The following DPY19L1 variants were observed in gnomAD, a reference collection of about 807,000 sequenced individuals.
The protein encoded by DPY19L1 is dpy-19 like C-mannosyltransferase 1.
DPY19L1 carries 35 observed loss-of-function variants against 96.9 expected under a neutral mutation model. That is an observed-to-expected ratio of 0.36 (90% CI 0.28 to 0.48). The LOEUF (loss-of-function observed/expected upper bound fraction) is 0.48, where lower values mean the gene tolerates loss of function less well. Among genes scored for constraint, DPY19L1 ranks in the 20% least tolerant of loss-of-function variants. The pLI, the probability that DPY19L1 is intolerant of heterozygous loss-of-function variation, is 0.99. For missense variants in DPY19L1, 521 were observed against 777.9 expected, an observed-to-expected ratio of 0.67 and a Z score of 3.93; for synonymous variants, 205 against 252.6, an observed-to-expected ratio of 0.81 and a Z score of 1.79.
At chr7:35,027,592 G>A (rs1305187652) in intron 1 of DPY19L1, among the ~76,000 whole-genome samples, 3 of 150,782 alleles carry the variant, frequency 2.0e-5, no homozygotes, top group Non-Finnish European at 4.4e-5. Context: ...CACTTTGGGA[G>A]GCCGAGGCGG....
At chr7:34,995,795 TAAGATA>T (rs1300726601) in intron 6 of DPY19L1, among the ~76,000 whole-genome samples, 1 of 151,972 alleles carries the variant, frequency 6.6e-6, no homozygotes, top group East Asian at 1.9e-4. Flanking sequence ...ATAATCAAAT[TAAGATA>T]ATTTCCAATC....
intron 10 of DPY19L1, among the ~76,000 whole-genome samples, chr7:34,964,173 T>A (rs1292726568): frequency 6.6e-6 from 1 of 152,072 alleles, no homozygotes; most frequent in Non-Finnish European, 1.5e-5. Context: ...TTTATAACTA[T>A]AAGAATTTAG....
chr7:35,034,911 T>C (rs1171512000), intron 1 of DPY19L1, among the ~76,000 whole-genome samples: 1 of 152,180 alleles, frequency 6.6e-6, no homozygotes, highest in Non-Finnish European at 1.5e-5. Flanking sequence ...TAATGTCAGC[T>C]CAACTCTCAC....
At position 34,930,908 on chromosome 7, in the gene DPY19L1, A is replaced by C. The variant is rs1395389160; in HGVS notation, c.*665T>G. On this transcript the variant is annotated 3_prime_UTR_variant, in exon 22 of 22. Coordinates refer to ENST00000638088, the MANE Select transcript of DPY19L1 (RefSeq NM_001366673.1). ...AGAGAGAGAGCAAGAGAGAGAGAGA[A>C]AGAGACACGATAATGCCATATGGCT... The C allele has an allele frequency of 6.6e-6, 1 of 152,078 alleles. No homozygotes were observed. Among genetic ancestry groups the C allele is most frequent in the Non-Finnish European group, 1.5e-5 (1 of 67,988 alleles). The allele number at this position is 152,078 out of a possible 1,614,324, so 9.4% of individuals were successfully genotyped here. A position where few individuals can be genotyped will look rare whatever the true frequency, so the allele number is the denominator to read the frequency against.
At chr7:35,006,037 G>A (rs540068730) in intron 6 of DPY19L1, among the ~76,000 whole-genome samples, 14 of 152,212 alleles carry the variant, frequency 9.2e-5, no homozygotes, top group Admixed American at 2.6e-4. Flanking sequence ...CTGTATCTCA[G>A]TATTGTACTC....
chr7:34,976,732 A>AAAGT (rs1262159670), intron 7 of DPY19L1, among the ~76,000 whole-genome samples: 1 of 152,198 alleles, frequency 6.6e-6, no homozygotes, highest in Non-Finnish European at 1.5e-5. Flanking sequence ...TATCAACATC[A>AAAGT]AAGTAAGACC....
At chr7:35,009,514 T>C (rs1226934043) in intron 6 of DPY19L1, among the ~76,000 whole-genome samples, 1 of 152,222 alleles carries the variant, frequency 6.6e-6, no homozygotes, top group African/African-American at 2.4e-5. Context: ...AGATACTAAA[T>C]ATTGTACAGA....
In DPY19L1 at chr7:35,013,712, T is replaced by C. The variant is rs1442002197; in HGVS notation, c.412-7A>G. On this transcript the variant is annotated splice_region_variant and splice_polypyrimidine_tract_variant and intron_variant, in intron 3 of 21. Coordinates refer to ENST00000638088, the MANE Select transcript of DPY19L1 (RefSeq NM_001366673.1). ...AATAGGAATAATATAGTCCCTGAAA[T>C]AAAGATATGCTCAATTAAAATAACA... 6 of 1,583,228 alleles carry C rather than the reference T, an allele frequency of 3.8e-6. No individual in the cohort carries two copies. Among genetic ancestry groups the C allele is most frequent in the Non-Finnish European group, 4.3e-6 (5 of 1,162,146 alleles).
intron 1 of DPY19L1, among the ~76,000 whole-genome samples, chr7:35,036,622 T>G (rs750043075): frequency 9.2e-5 from 14 of 152,178 alleles, no homozygotes; most frequent in Non-Finnish European, 1.8e-4. Flanking sequence ...AAGAAAAAAG[T>G]ACGCTAAAAT....
At chr7:34,934,670 G>A (rs1197203777) in intron 21 of DPY19L1, among the ~76,000 whole-genome samples, 1 of 152,164 alleles carries the variant, frequency 6.6e-6, no homozygotes, top group Non-Finnish European at 1.5e-5. Flanking sequence ...TTTCACCTCA[G>A]ATCATCAGGC....
intron 10 of DPY19L1, among the ~76,000 whole-genome samples, chr7:34,964,430 A>C (rs1784568531): frequency 6.6e-6 from 1 of 152,190 alleles, no homozygotes; most frequent in Non-Finnish European, 1.5e-5. Context: ...GGGAAAAAAT[A>C]AGCCAAGTCT....
rs958143272 is a variant in DPY19L1 at position 35,027,548 on chromosome 7, G to T, written c.299-8952C>A. 6.6e-5 allele frequency among the ~76,000 whole-genome samples: 10 copies of T among 152,046 alleles called. No homozygotes were observed. The East Asian group carries it at 1.9e-3, about 29-fold the overall frequency. ...ATTGCTTTTAAAATTCAGTCATGAAGGCCGGGCTCCATGGCTCACGCCTGT... is the reference window on the plus strand; with the variant it reads ...ATTGCTTTTAAAATTCAGTCATGAATGCCGGGCTCCATGGCTCACGCCTGT... On this transcript the variant is annotated intron_variant, in intron 1 of 21. Coordinates refer to ENST00000638088, the MANE Select transcript of DPY19L1 (RefSeq NM_001366673.1).
At chr7:34,944,365 C>CAAAAAAAAAAAAAAA (rs60937482) in intron 16 of DPY19L1, among the ~76,000 whole-genome samples, 26 of 82,266 alleles carry the variant, frequency 3.2e-4, no homozygotes, top group South Asian at 4.8e-4. Context: ...GGCTCTGTCT[C>CAAAAAAAAAAAAAAA]AAAAAAAAAA....
At chr7:34,953,854 T>C (rs2128785568) in intron 13 of DPY19L1, among the ~76,000 whole-genome samples, 1 of 152,258 alleles carries the variant, frequency 6.6e-6, no homozygotes, top group South Asian at 2.1e-4. Flanking sequence ...TGAAAACCTG[T>C]ATGAAAGAGA....
intron 21 of DPY19L1, among the ~76,000 whole-genome samples, chr7:34,934,719 G>A (rs779350160): frequency 4.6e-5 from 7 of 152,120 alleles, no homozygotes; most frequent in African/African-American, 7.2e-5. Flanking sequence ...TAGATCCCCC[G>A]CATGTGCAGT....
At chr7:34,975,196 C>T (rs1360503808) in intron 7 of DPY19L1, among the ~76,000 whole-genome samples, 2 of 152,196 alleles carry the variant, frequency 1.3e-5, no homozygotes, top group African/African-American at 4.8e-5. Flanking sequence ...GAGAAGAAGG[C>T]ATGTCAAAAG....
chr7:34,943,055 T>A (rs1249045398), intron 16 of DPY19L1, among the ~76,000 whole-genome samples: 1 of 152,228 alleles, frequency 6.6e-6, no homozygotes, highest in Non-Finnish European at 1.5e-5. Flanking sequence ...GACAGAAATG[T>A]GTGAGTTGAC....
At chr7:34,950,375 T>G (rs1161130470) in intron 13 of DPY19L1, among the ~76,000 whole-genome samples, 1 of 152,224 alleles carries the variant, frequency 6.6e-6, no homozygotes, top group African/African-American at 2.4e-5. Flanking sequence ...AAGGTACTTC[T>G]TGACTGATAA....
intron 7 of DPY19L1, among the ~76,000 whole-genome samples, chr7:34,976,419 A>T (rs1422917226): frequency 6.6e-6 from 1 of 152,200 alleles, no homozygotes; most frequent in Non-Finnish European, 1.5e-5. Context: ...TAAATGAGCA[A>T]AAGGAGTGGT....
Sources: gnomAD v4.1 joint callset for allele counts (sites outside exome capture counted in the v4.1 genomes callset) on GRCh38, gnomAD v4.1.1 for gene constraint, MANE v1.5 for transcripts, NCBI Gene and HGNC (gene_info 2026-07-23, HGNC 2026-07-21) for gene names.